PDZRN3: variants seen among roughly 807,000 people sequenced by gnomAD.
PDZRN3 encodes PDZ domain containing ring finger 3.
A neutral mutation model predicts 85.7 loss-of-function variants in PDZRN3; 38 were observed. That is an observed-to-expected ratio of 0.44 (90% confidence interval 0.34 to 0.58). The LOEUF is 0.58. Among genes scored for constraint, PDZRN3 ranks in the 20% least tolerant of loss-of-function variants. The pLI is 0.01. For synonymous variants in PDZRN3, 759 were observed against 638.0 expected (o/e 1.19, Z -2.86); for missense variants, 1,629 against 1,506.4 (o/e 1.08, Z -1.35).
At chr3:73,436,474 G>A (rs1180351951) in intron 3 of PDZRN3, among the ~76,000 whole-genome samples, 1 of 152,170 alleles carries the variant, frequency 6.6e-6, no homozygotes, top group Non-Finnish European at 1.5e-5. Flanking sequence ...AATCACGGTT[G>A]GCTCTCCTCC....
intron 8 of PDZRN3, 117 bp downstream of exon 8, chr3:73,387,851 C>G: frequency 1.6e-6 from 1 of 611,372 alleles, no homozygotes; most frequent in South Asian, 2.4e-5. Context: ...GATTACATTT[C>G]CAGGGAACAA....
intron 3 of PDZRN3, among the ~76,000 whole-genome samples, chr3:73,553,697 C>A (rs1286855461): frequency 1.3e-5 from 2 of 152,144 alleles, no homozygotes; most frequent in African/African-American, 4.8e-5. Context: ...AGTGTATATC[C>A]TTAAGAATTC....
At chr3:73,545,581 C>A (rs370466967) in intron 3 of PDZRN3, among the ~76,000 whole-genome samples, 2 of 152,122 alleles carry the variant, frequency 1.3e-5, no homozygotes, top group Non-Finnish European at 2.9e-5. Context: ...GCAAATGTCA[C>A]GGTCTGCACT....
chr3:73,622,334 G>C (rs1258422399), intron 1 of PDZRN3, among the ~76,000 whole-genome samples: 3 of 152,232 alleles, frequency 2.0e-5, no homozygotes, highest in African/African-American at 7.2e-5. Flanking sequence ...TAAGGAAAGG[G>C]GGCTGGGAGA....
At chr3:73,430,769 C>G (rs1702415061) in intron 3 of PDZRN3, among the ~76,000 whole-genome samples, 1 of 152,148 alleles carries the variant, frequency 6.6e-6, no homozygotes, top group Non-Finnish European at 1.5e-5. Context: ...GCTCCCTATC[C>G]CATTACTCCC....
chr3:73,408,056 T>G, intron 3 of PDZRN3: 1 of 668,782 alleles, frequency 1.5e-6, no homozygotes, highest in South Asian at 1.6e-5. Flanking sequence ...CTGACAACTG[T>G]GCCCAAGAAA....
intron 3 of PDZRN3, chr3:73,569,104 G>A (rs774360688): frequency 5.1e-4 from 598 of 1,165,434 alleles, no homozygotes; most frequent in Non-Finnish European, 6.6e-4. Flanking sequence ...TTTGAACCCA[G>A]CTCACCTATT....
At chr3:73,525,692 C>T (rs1474440510) in intron 3 of PDZRN3, among the ~76,000 whole-genome samples, 3 of 152,162 alleles carry the variant, frequency 2.0e-5, no homozygotes, top group Non-Finnish European at 4.4e-5. Context: ...AGATTTTTCC[C>T]ATGTCTAGGC....
At chr3:73,390,026 G>C (rs1036908097) in intron 6 of PDZRN3, 148 bp from the exon 7 acceptor site, 2 of 675,854 alleles carry the variant, frequency 3.0e-6, no homozygotes, top group Admixed American at 4.4e-5. Flanking sequence ...TGTCGTGCAA[G>C]GAGAGGCAAA....
intron 3 of PDZRN3, among the ~76,000 whole-genome samples, chr3:73,469,091 T>G (rs1703282184): frequency 6.6e-6 from 1 of 151,760 alleles, no homozygotes; most frequent in South Asian, 2.1e-4. Context: ...TTTTTTTTTT[T>G]GAGATGAAGT....
chr3:73,480,181 C>T (rs1703534702), intron 3 of PDZRN3, among the ~76,000 whole-genome samples: 1 of 152,212 alleles, frequency 6.6e-6, no homozygotes, highest in South Asian at 2.1e-4. Context: ...TGCCCTGATT[C>T]TAAAACCACT....
intron 3 of PDZRN3, among the ~76,000 whole-genome samples, chr3:73,533,581 T>C (rs539308457): frequency 6.6e-6 from 1 of 152,188 alleles, no homozygotes; most frequent in African/African-American, 2.4e-5. Flanking sequence ...AAGAGTGGCC[T>C]AGGGGATTAT....
intron 3 of PDZRN3, among the ~76,000 whole-genome samples, chr3:73,563,013 A>ATATATATATATATATTTT (rs1187151191): frequency 6.9e-5 from 3 of 43,758 alleles, no homozygotes; most frequent in African/African-American, 1.0e-4. Flanking sequence ...ATATATATAT[A>ATATATATATATATATTTT]TTTTTTTTTT....
intron 8 of PDZRN3, among the ~76,000 whole-genome samples, chr3:73,386,294 C>T (rs143905249): frequency 0.014 from 1,868 of 129,272 alleles, 24 homozygotes; most frequent in Non-Finnish European, 0.02. Flanking sequence ...GTGGCACGAT[C>T]TAGGTTCACT....
chr3:73,438,416 A>G (rs9877050), intron 3 of PDZRN3, among the ~76,000 whole-genome samples: 32,276 of 152,192 alleles, frequency 0.21, 7,014 homozygotes, highest in African/African-American at 0.56. Flanking sequence ...CCTGATACCT[A>G]AAATACAACC....
intron 3 of PDZRN3, among the ~76,000 whole-genome samples, chr3:73,517,458 G>A (rs1704276162): frequency 6.6e-6 from 1 of 152,080 alleles, no homozygotes; most frequent in Non-Finnish European, 1.5e-5. Context: ...TTTACTTATA[G>A]AAGAACAGAT....
intron 3 of PDZRN3, among the ~76,000 whole-genome samples, chr3:73,557,930 T>C (rs900778439): frequency 6.6e-6 from 1 of 152,196 alleles, no homozygotes; most frequent in African/African-American, 2.4e-5. Flanking sequence ...AATTTTTTTC[T>C]ATGCATAAAA....
At chr3:73,456,702 A>G (rs565802968) in intron 3 of PDZRN3, among the ~76,000 whole-genome samples, 8 of 152,216 alleles carry the variant, frequency 5.3e-5, no homozygotes, top group Non-Finnish European at 1.0e-4. Flanking sequence ...CATTTATTCA[A>G]CCATTGATAG....
At chr3:73,535,466 A>C (rs566027789) in intron 3 of PDZRN3, among the ~76,000 whole-genome samples, 1 of 152,360 alleles carries the variant, frequency 6.6e-6, no homozygotes, top group South Asian at 2.1e-4. Context: ...AATGCCCAGT[A>C]ACAGCAAAGG....
Sources: allele counts gnomAD v4.1 joint callset (sites outside exome capture counted in the v4.1 genomes callset), GRCh38; gene constraint gnomAD v4.1.1; transcripts MANE v1.5; gene names NCBI Gene and HGNC (gene_info 2026-07-23, HGNC 2026-07-21).